The following SLC22A4 variants were observed in gnomAD, a reference collection of about 807,000 sequenced individuals.
SLC22A4 encodes the protein ET transporter.
A neutral mutation model predicts 56.6 loss-of-function variants in SLC22A4; 39 were observed. That is an observed-to-expected ratio of 0.69 (90% confidence interval 0.53 to 0.90). SLC22A4 has a LOEUF of 0.90. Among genes scored for constraint, SLC22A4 ranks in the 40% least tolerant of loss-of-function variants. The pLI, the probability that SLC22A4 is intolerant of heterozygous loss-of-function variation, is 0.00. For synonymous variants in SLC22A4, 241 were observed against 281.4 expected (o/e 0.86, Z 1.44); for missense variants, 594 against 696.5 (o/e 0.85, Z 1.66).
chr5:132,296,966 C>CTT (rs548202861), intron 1 of SLC22A4, among the ~76,000 whole-genome samples: 52 of 152,214 alleles, frequency 3.4e-4, no homozygotes, highest in Middle Eastern at 3.4e-3. Context: ...CCAGGATTTG[C>CTT]TTTTTTTGGC....
At chr5:132,302,309 AG>A (rs1303687179) in intron 1 of SLC22A4, among the ~76,000 whole-genome samples, 2 of 152,212 alleles carry the variant, frequency 1.3e-5, no homozygotes, top group East Asian at 3.9e-4. Flanking sequence ...GACAAAAACA[AG>A]GCTTTGACAG....
intron 5 of SLC22A4, among the ~76,000 whole-genome samples, chr5:132,330,387 T>A (rs1369111081): frequency 6.6e-6 from 1 of 152,206 alleles, no homozygotes; most frequent in Non-Finnish European, 1.5e-5. Context: ...TCAGCTTGGT[T>A]ACCTTGATTC....
Position 132,340,552 on chromosome 5 carries a change from C to T in SLC22A4, c.1445-13C>T. 6.2e-7 allele frequency: 1 copy of T among 1,613,520 alleles called. No individual in the cohort carries two copies. Among genetic ancestry groups the T allele is most frequent in the Admixed American group, 1.7e-5 (1 of 59,994 alleles). On this transcript the variant is annotated splice_polypyrimidine_tract_variant and intron_variant, in intron 8 of 9. Transcript: ENST00000200652. ...CCTATCTGATTGATGTTCTTATGTC[C>T]CGGGCTTTACAGGTGCTTACAACAG...
chr5:132,296,064 G>A (rs1285108155), intron 1 of SLC22A4, among the ~76,000 whole-genome samples: 1 of 152,190 alleles, frequency 6.6e-6, no homozygotes, highest in African/African-American at 2.4e-5. Flanking sequence ...TTAGCAATAG[G>A]GTTCTGGAAC....
At chr5:132,332,134 T>G (rs1369616200) in intron 6 of SLC22A4, 1 of 373,672 alleles carries the variant, frequency 2.7e-6, no homozygotes, top group African/African-American at 2.1e-5. Flanking sequence ...GCCAACATGG[T>G]GAAACCCCGT....
At chr5:132,307,014 T>TA (rs1189281040) in intron 1 of SLC22A4, among the ~76,000 whole-genome samples, 1 of 152,230 alleles carries the variant, frequency 6.6e-6, no homozygotes, top group African/African-American at 2.4e-5. Context: ...ATGAAAATTC[T>TA]AAAATCAGAT....
At chr5:132,324,608 A>G (rs547873468) in intron 4 of SLC22A4, 1 of 471,060 alleles carries the variant, frequency 2.1e-6, no homozygotes, top group South Asian at 1.5e-5. Flanking sequence ...CCTATAAAAG[A>G]AAATAGCTTT....
At chr5:132,304,842 C>A (rs1195879918) in intron 1 of SLC22A4, among the ~76,000 whole-genome samples, 1 of 151,924 alleles carries the variant, frequency 6.6e-6, no homozygotes, top group African/African-American at 2.4e-5. Context: ...ATAAGGCAGC[C>A]ATTATAAATA....
At chr5:132,305,971 T>C (rs1193005493) in intron 1 of SLC22A4, among the ~76,000 whole-genome samples, 1 of 152,146 alleles carries the variant, frequency 6.6e-6, no homozygotes, top group African/African-American at 2.4e-5. Flanking sequence ...GATCAATAGA[T>C]TCAATGCAAA....
chr5:132,340,444 T>C (rs1751178806), intron 8 of SLC22A4, 121 bp from the exon 9 acceptor site: 1 of 976,014 alleles, frequency 1.0e-6, no homozygotes, highest in Non-Finnish European at 1.6e-6. Flanking sequence ...TTTTTTTCTC[T>C]GAAAATGTTC....
chr5:132,294,916 G>T lies in SLC22A4; in HGVS notation c.300G>T (p.Gly100=). 6.3e-7 allele frequency: 1 copy of T among 1,596,066 alleles called. No homozygotes were observed. ...TCTCGGCGCTCGGGCTGGAGCCGGG[G>T]CGCGACGTGGACCTGGGGCAGCTGG... is the stretch of plus-strand genomic sequence containing the variant. The part of the protein sequence containing the change: ...ANFSALGLEP[G]RDVDLGQLEQ... Residue 100 remains glycine, a synonymous_variant, in exon 1 of 10, where the codon GGG becomes GGT. Coordinates refer to ENST00000200652, the MANE Select transcript of SLC22A4 (RefSeq NM_003059.3). The surrounding 1 kb of genome is among the most constrained non-coding windows in gnomAD (Gnocchi z 5.6).
At position 132,316,348 on chromosome 5, in the gene SLC22A4, C is replaced by T. The variant is rs140648634; in HGVS notation, c.652+2580C>T. On this transcript the variant is annotated intron_variant, in intron 3 of 9. Coordinates refer to ENST00000200652, the MANE Select transcript of SLC22A4 (RefSeq NM_003059.3). ...ACATGCCTGGAAGTGATGGTGTTGC[C>T]GGAATGATGCTGGTTTAGGAGGAAA... 5.6e-3 allele frequency among the ~76,000 whole-genome samples: 848 copies of T among 152,154 alleles called. 7 individuals carry two copies. Among genetic ancestry groups the T allele is most frequent in the African/African-American group, 0.02 (818 of 41,480 alleles).
intron 2 of SLC22A4, 53 bp downstream of exon 2, chr5:132,312,317 C>A: frequency 9.1e-7 from 1 of 1,095,838 alleles, no homozygotes; most frequent in Non-Finnish European, 1.4e-6. Flanking sequence ...TCAATCACTG[C>A]CTATCTTGGG....
At chr5:132,331,056 G>A (rs1750843155) in intron 5 of SLC22A4, among the ~76,000 whole-genome samples, 1 of 152,160 alleles carries the variant, frequency 6.6e-6, no homozygotes, top group Admixed American at 6.5e-5. Context: ...AACAAGAGAA[G>A]TGTAAAAAGC....
chr5:132,297,854 A>C (rs986669389), intron 1 of SLC22A4, among the ~76,000 whole-genome samples: 1 of 152,150 alleles, frequency 6.6e-6, no homozygotes, highest in African/African-American at 2.4e-5. Context: ...AGGCTGGGGC[A>C]GGAGGATCAC....
At position 132,331,808 on chromosome 5, in the gene SLC22A4, C is replaced by T. The variant is rs768949924; in HGVS notation, c.1004C>T (p.Thr335Ile). Residue 335 changes from threonine to isoleucine, a missense_variant, in exon 6 of 10, where the codon ACT (threonine) becomes ATT (isoleucine). By Grantham distance (89) the Thr-to-Ile change is moderately conservative. Coordinates refer to ENST00000200652, the MANE Select transcript of SLC22A4 (RefSeq NM_003059.3). ...GCTTTCATTCTGGACCTGTTCAGGA[C>T]TCGGAATATTGCCATAATGACCATT... ...QKAFILDLFR[T>I]RNIAIMTIMS... 3 of 1,613,748 alleles carry T rather than the reference C, an allele frequency of 1.9e-6. No individual in the cohort carries two copies. The African/African-American group carries it at 4.0e-5, about 22-fold the overall frequency.
Position 132,331,788 on chromosome 5 carries a change from C to T in SLC22A4, c.984C>T (p.Phe328=), listed in dbSNP as rs1750865777. The change falls in exon 6 of 10, where the codon TTC becomes TTT. Residue 328 remains phenylalanine, a synonymous_variant. Coordinates refer to ENST00000200652, the MANE Select transcript of SLC22A4 (RefSeq NM_003059.3). ...ELNPLKQQKA[F]ILDLFRTRNI... ...ATCCCCTGAAGCAGCAGAAAGCTTT[C>T]ATTCTGGACCTGTTCAGGACTCGGA... The T allele has an allele frequency of 6.2e-7, 1 of 1,613,732 alleles. No homozygotes were observed. Among genetic ancestry groups the T allele is most frequent in the South Asian group, 1.1e-5 (1 of 91,084 alleles).
At chr5:132,320,255 T>C (rs1750491554) in intron 3 of SLC22A4, among the ~76,000 whole-genome samples, 1 of 152,222 alleles carries the variant, frequency 6.6e-6, no homozygotes, top group Non-Finnish European at 1.5e-5. Context: ...GTCATGAAGG[T>C]AGGAGAAAGC....
At chr5:132,307,762 G>A (rs1037002401) in intron 1 of SLC22A4, among the ~76,000 whole-genome samples, 3 of 152,128 alleles carry the variant, frequency 2.0e-5, no homozygotes, top group Non-Finnish European at 4.4e-5. Flanking sequence ...TGCAGACCCC[G>A]AGAAAGCCTG....
Sources: gnomAD v4.1 joint callset for allele counts (sites outside exome capture counted in the v4.1 genomes callset) on GRCh38, gnomAD v4.1.1 for gene constraint, Gnocchi (gnomAD v3.1) non-coding constraint, MANE v1.5 for transcripts, NCBI Gene and HGNC (gene_info 2026-07-23, HGNC 2026-07-21) for gene names.